The following BRD4 variants were observed in gnomAD, a reference collection of about 807,000 sequenced individuals.
BRD4 encodes the protein bromodomain containing 4.
Under a neutral mutation model 142.1 loss-of-function variants are expected in BRD4, and 16 were observed. The ratio of observed to expected loss-of-function variants is 0.11; its 90% confidence interval spans 0.08 to 0.17. The LOEUF is 0.17. BRD4 is among the 10% of genes least tolerant of loss of function. The pLI, the probability that BRD4 is intolerant of heterozygous loss-of-function variation, is 1.00. For synonymous variants in BRD4, 833 were observed against 707.5 expected, an observed-to-expected ratio of 1.18 and a Z score of -2.82; for missense variants, 1,424 against 1,810.9, an observed-to-expected ratio of 0.79 and a Z score of 3.88.
At chr19:15,251,438 C>CGGGGGGGGGGGGGGG (rs1197390019) in intron 11 of BRD4, among the ~76,000 whole-genome samples, 1 of 7,084 alleles carries the variant, frequency 1.4e-4, no homozygotes, top group Admixed American at 2.3e-3. Flanking sequence ...AACACAAGAA[C>CGGGGGGGGGGGGGGG]GGGGGGGGGG....
At chr19:15,284,429 C>G (rs1164709156) in intron 1 of BRD4, among the ~76,000 whole-genome samples, 2 of 152,208 alleles carry the variant, frequency 1.3e-5, no homozygotes, top group Non-Finnish European at 2.9e-5. Context: ...TCAGTGAGAG[C>G]TGACAGTGTC....
At chr19:15,277,044 A>C (rs2047654861) in intron 1 of BRD4, among the ~76,000 whole-genome samples, 1 of 152,174 alleles carries the variant, frequency 6.6e-6, no homozygotes, top group Non-Finnish European at 1.5e-5. Context: ...CATAGATAAC[A>C]GGAGACAACA....
intron 7 of BRD4, among the ~76,000 whole-genome samples, chr19:15,258,230 A>C (rs1248029783): frequency 6.6e-6 from 1 of 152,198 alleles, no homozygotes; most frequent in East Asian, 1.9e-4. Flanking sequence ...ACACTCCTTG[A>C]GGCTTCCTCT....
chr19:15,318,504 C>A (rs1370173941), intron 1 of BRD4, among the ~76,000 whole-genome samples: 2 of 152,188 alleles, frequency 1.3e-5, no homozygotes, highest in African/African-American at 2.4e-5. Flanking sequence ...TATCCCTAAA[C>A]GTAAGCATGT....
intron 11 of BRD4, chr19:15,248,747 A>G (rs1167631651): frequency 8.8e-6 from 2 of 228,238 alleles, no homozygotes; most frequent in South Asian, 1.8e-4. Flanking sequence ...CCTTGCCTCT[A>G]AAGCTCCCAC....
intron 1 of BRD4, among the ~76,000 whole-genome samples, chr19:15,293,300 GAGGGTGGCACTGGGTAGACCCAGC>G (rs1337613973): frequency 3.3e-5 from 5 of 152,270 alleles, no homozygotes; most frequent in African/African-American, 1.2e-4. Context: ...GAAGTCCTAG[GAGGGTGGCACTGGGTAGACCCAGC>G]AGGGTGGCAC....
At chr19:15,302,104 T>C (rs2047873512) in intron 1 of BRD4, among the ~76,000 whole-genome samples, 1 of 151,762 alleles carries the variant, frequency 6.6e-6, no homozygotes, top group Non-Finnish European at 1.5e-5. Flanking sequence ...CAGGCAGAGG[T>C]TGCAGTGAGC....
chr19:15,275,101 C>G (rs756588225), intron 1 of BRD4, among the ~76,000 whole-genome samples: 2 of 152,162 alleles, frequency 1.3e-5, no homozygotes, highest in Non-Finnish European at 2.9e-5. Flanking sequence ...TCAGGTGATC[C>G]ACCTGCCTCG....
intron 1 of BRD4, among the ~76,000 whole-genome samples, chr19:15,318,084 C>G (rs1017119070): frequency 6.6e-6 from 1 of 152,172 alleles, no homozygotes; most frequent in African/African-American, 2.4e-5. Flanking sequence ...TTTCACAGAA[C>G]TCTTTCACGC....
intron 11 of BRD4, chr19:15,247,286 G>C: frequency 4.3e-6 from 1 of 231,534 alleles, no homozygotes; most frequent in Non-Finnish European, 8.6e-6. Flanking sequence ...CCCTCCTCAG[G>C]ACCCACAGCC....
At chr19:15,331,020 G>A (rs1568415956) in intron 1 of BRD4, among the ~76,000 whole-genome samples, 1 of 152,124 alleles carries the variant, frequency 6.6e-6, no homozygotes, top group Non-Finnish European at 1.5e-5. Context: ...TCGAAGGTAA[G>A]CAAAGACATT....
chr19:15,310,143 A>C (rs895438297), intron 1 of BRD4, among the ~76,000 whole-genome samples: 9 of 151,862 alleles, frequency 5.9e-5, no homozygotes, highest in African/African-American at 2.2e-4. Flanking sequence ...TAGGAGTGAG[A>C]AGCCCACTGA....
At chr19:15,280,345 T>C (rs199937679) in intron 1 of BRD4, 2 of 1,014,754 alleles carry the variant, frequency 2.0e-6, no homozygotes, top group Non-Finnish European at 2.4e-6. Context: ...GCACCACACT[T>C]TGCTGTACCC....
chr19:15,251,785 C>T (rs926309348), intron 11 of BRD4, among the ~76,000 whole-genome samples: 1 of 152,218 alleles, frequency 6.6e-6, no homozygotes, highest in Non-Finnish European at 1.5e-5. Context: ...CGGCCCACGA[C>T]AGAGCTCACT....
At chr19:15,278,427 C>T (rs1388645707) in intron 1 of BRD4, among the ~76,000 whole-genome samples, 1 of 151,268 alleles carries the variant, frequency 6.6e-6, no homozygotes, top group African/African-American at 2.4e-5. Flanking sequence ...TCCAGCTACT[C>T]CAGAGGCTGA....
intron 1 of BRD4, among the ~76,000 whole-genome samples, chr19:15,287,776 TC>T (rs2047751263): frequency 6.6e-6 from 1 of 150,458 alleles, no homozygotes; most frequent in South Asian, 2.1e-4. Context: ...CCTCTGAATT[TC>T]TTTTTTTTTT....
intron 13 of BRD4, 108 bp downstream of exon 13, chr19:15,244,123 C>G (rs944704999): frequency 3.3e-6 from 5 of 1,526,858 alleles, no homozygotes; most frequent in Non-Finnish European, 3.5e-6. Flanking sequence ...CTCTAGAGAC[C>G]AGAGCAGCTG....
Position 15,332,402 on chromosome 19 carries a change from A to G in BRD4, c.-147T>C, listed in dbSNP as rs1225574515. 1 of 143,574 alleles carries G rather than the reference A, an allele frequency of 7.0e-6. No individual in the cohort carries two copies. Among genetic ancestry groups the G allele is most frequent in the South Asian group, 1.8e-4 (1 of 5,460 alleles). 8.9% of individuals were successfully genotyped at this position (143,574 alleles called of 1,614,324 possible). A position where few individuals can be genotyped will look rare whatever the true frequency, so the allele number is the denominator to read the frequency against. ...CCGCCCGCCGCTCTGCCGAGCTCAC[A>G]GGCCGCGCTCGCCCGCGGGCACCGC... is the stretch of plus-strand genomic sequence containing the variant. On this transcript the variant is annotated 5_prime_UTR_variant, in exon 1 of 20. Coordinates refer to ENST00000679869, the MANE Select transcript of BRD4 (RefSeq NM_001379291.1).
At chr19:15,273,814 T>C (rs1235294195) in intron 1 of BRD4, among the ~76,000 whole-genome samples, 1 of 150,492 alleles carries the variant, frequency 6.6e-6, no homozygotes, top group Non-Finnish European at 1.5e-5. Context: ...ACCTACCATT[T>C]TCTTTTTTTT....
Sources: gnomAD v4.1 joint callset for allele counts (sites outside exome capture counted in the v4.1 genomes callset) on GRCh38, gnomAD v4.1.1 for gene constraint, MANE v1.5 for transcripts, NCBI Gene and HGNC (gene_info 2026-07-23, HGNC 2026-07-21) for gene names.